CAMK1D: variants seen among roughly 807,000 people sequenced by gnomAD.
CAMK1D encodes the protein calcium/calmodulin-dependent protein kinase type 1D.
In CAMK1D, 9 loss-of-function variants were observed where a neutral mutation model predicts 47.7. The observed-to-expected ratio is 0.19, with a 90% CI of 0.11 to 0.33. The LOEUF is 0.33. CAMK1D is among the 10% of genes least tolerant of loss of function. The pLI, the probability that CAMK1D is intolerant of heterozygous loss-of-function variation, is 1.00. For missense variants in CAMK1D, 291 were observed against 488.7 expected, an observed-to-expected ratio of 0.60 and a Z score of 3.81; for synonymous variants, 184 against 184.9, an observed-to-expected ratio of 0.99 and a Z score of 0.04.
At chr10:12,429,931 C>T (rs1302328946) in intron 1 of CAMK1D, among the ~76,000 whole-genome samples, 1 of 152,118 alleles carries the variant, frequency 6.6e-6, no homozygotes, top group African/African-American at 2.4e-5. Flanking sequence ...TGGGTAACTG[C>T]AGTTCTTAGA....
At chr10:12,742,777 C>T (rs1439546992) in intron 3 of CAMK1D, among the ~76,000 whole-genome samples, 3 of 152,188 alleles carry the variant, frequency 2.0e-5, no homozygotes, top group African/African-American at 7.2e-5. Flanking sequence ...AGAATGACTC[C>T]AGCTCCCTGT....
At chr10:12,523,193 T>C (rs35140980) in intron 1 of CAMK1D, among the ~76,000 whole-genome samples, 73,848 of 145,186 alleles carry the variant, frequency 0.51, 18,419 homozygotes, top group South Asian at 0.61. Flanking sequence ...GACGGGGCGG[T>C]GGGGCAGAGG....
chr10:12,548,523 G>GGCA, intron 1 of CAMK1D, among the ~76,000 whole-genome samples: 3 of 141,626 alleles, frequency 2.1e-5, no homozygotes, highest in African/African-American at 7.9e-5. Context: ...GAAGTACAGT[G>GGCA]CCGTGATCAT....
At chr10:12,350,295 C>A (rs1026218333) in intron 1 of CAMK1D, among the ~76,000 whole-genome samples, 2 of 152,268 alleles carry the variant, frequency 1.3e-5, no homozygotes. Context: ...GGGCGCACCG[C>A]GTTGGCGAGA....
At chr10:12,746,761 G>A (rs1564532345) in intron 3 of CAMK1D, among the ~76,000 whole-genome samples, 3 of 152,208 alleles carry the variant, frequency 2.0e-5, no homozygotes, top group Non-Finnish European at 4.4e-5. Flanking sequence ...TGACGGGGGC[G>A]GGAGGTGAGC....
intron 3 of CAMK1D, among the ~76,000 whole-genome samples, chr10:12,722,010 T>C (rs1834399002): frequency 6.6e-6 from 1 of 152,106 alleles, no homozygotes; most frequent in South Asian, 2.1e-4. Flanking sequence ...AGGTCCCTTT[T>C]ATAAGGGCGT....
intron 2 of CAMK1D, among the ~76,000 whole-genome samples, chr10:12,576,723 C>T (rs1050335678): frequency 2.0e-5 from 3 of 152,314 alleles, no homozygotes; most frequent in Admixed American, 6.5e-5. Context: ...AGAGCTCAGG[C>T]GGGAATGCTC....
chr10:12,462,503 A>AT (rs1833466234), intron 1 of CAMK1D, among the ~76,000 whole-genome samples: 1 of 150,840 alleles, frequency 6.6e-6, no homozygotes, highest in African/African-American at 2.4e-5. Context: ...GGTTATAAGC[A>AT]TTGGACCATA....
At chr10:12,381,695 C>T (rs74118777) in intron 1 of CAMK1D, among the ~76,000 whole-genome samples, 4,651 of 152,168 alleles carry the variant, frequency 0.031, 262 homozygotes, top group African/African-American at 0.11. Flanking sequence ...AGTTCTCTGA[C>T]GGTTGTGGCG....
At chr10:12,532,405 A>G (rs1255310055) in intron 1 of CAMK1D, among the ~76,000 whole-genome samples, 1 of 150,480 alleles carries the variant, frequency 6.6e-6, no homozygotes, top group Non-Finnish European at 1.5e-5. Flanking sequence ...TCAGCCTCCC[A>G]AGTAGCTGGG....
intron 3 of CAMK1D, among the ~76,000 whole-genome samples, chr10:12,706,107 C>T (rs1833718405): frequency 6.6e-6 from 1 of 152,012 alleles, no homozygotes; most frequent in Non-Finnish European, 1.5e-5. Context: ...TTTTTTAATC[C>T]AATAACTGAG....
intron 1 of CAMK1D, among the ~76,000 whole-genome samples, chr10:12,464,545 G>A (rs935508147): frequency 1.1e-4 from 17 of 152,326 alleles, no homozygotes; most frequent in Admixed American, 2.0e-4. Flanking sequence ...GCCGGGCGCC[G>A]TGGCTCATGC....
chr10:12,440,040 T>A (rs1311423937), intron 1 of CAMK1D, among the ~76,000 whole-genome samples: 1 of 152,136 alleles, frequency 6.6e-6, no homozygotes, highest in Non-Finnish European at 1.5e-5. Flanking sequence ...ACTGGGTCCC[T>A]CCCATAACAT....
At chr10:12,536,010 T>C (rs990627877) in intron 1 of CAMK1D, among the ~76,000 whole-genome samples, 5 of 152,246 alleles carry the variant, frequency 3.3e-5, no homozygotes, top group South Asian at 2.1e-4. Context: ...GGACTTTGCA[T>C]AGGGAGCTGG....
chr10:12,700,855 G>A (rs1833491090), intron 3 of CAMK1D, among the ~76,000 whole-genome samples: 1 of 152,226 alleles, frequency 6.6e-6, no homozygotes, highest in Admixed American at 6.5e-5. Context: ...ATTTTAGCCA[G>A]CAGGTGAATT....
intron 1 of CAMK1D, among the ~76,000 whole-genome samples, chr10:12,465,876 T>G (rs1833574629): frequency 6.6e-6 from 1 of 152,210 alleles, no homozygotes; most frequent in Admixed American, 6.5e-5. Context: ...CCATACTCTC[T>G]CTTTCTCTTT....
intron 1 of CAMK1D, among the ~76,000 whole-genome samples, chr10:12,403,324 G>C (rs563212527): frequency 6.6e-6 from 1 of 152,214 alleles, no homozygotes. Context: ...ACCGGTTCTG[G>C]TTTCAGGTGG....
At chr10:12,638,135 A>G (rs1839563300) in intron 2 of CAMK1D, among the ~76,000 whole-genome samples, 2 of 151,962 alleles carry the variant, frequency 1.3e-5, no homozygotes, top group South Asian at 4.2e-4. Flanking sequence ...CCCAGTAACA[A>G]CTCACTCTTT....
At chr10:12,716,124 C>T (rs923570744) in intron 3 of CAMK1D, among the ~76,000 whole-genome samples, 14 of 151,976 alleles carry the variant, frequency 9.2e-5, no homozygotes, top group African/African-American at 4.8e-5. Context: ...TGAGGGGACA[C>T]CTTCCTGGCG....
Sources: gnomAD v4.1 joint callset for allele counts (sites outside exome capture counted in the v4.1 genomes callset) on GRCh38, gnomAD v4.1.1 for gene constraint, MANE v1.5 for transcripts, NCBI Gene and HGNC (gene_info 2026-07-23, HGNC 2026-07-21) for gene names.